The following XPO1 variants were observed in gnomAD, a reference collection of about 807,000 sequenced individuals.
XPO1 encodes the protein exportin-1.
XPO1 carries 5 observed loss-of-function variants against 133.3 expected under a neutral mutation model. The observed-to-expected ratio is 0.04, with a 90% CI of 0.02 to 0.08. The LOEUF is 0.08. Among genes scored for constraint, XPO1 ranks in the 10% least tolerant of loss-of-function variants. The pLI is 1.00. For synonymous variants in XPO1, 419 were observed against 408.2 expected (o/e 1.03, Z -0.32); for missense variants, 506 against 1,267.5 (o/e 0.40, Z 9.12).
intron 24 of XPO1, among the ~76,000 whole-genome samples, 198 bp from the exon 25 acceptor site, chr2:61,479,164 A>C (rs970362133): frequency 2.6e-5 from 4 of 152,134 alleles, no homozygotes; most frequent in African/African-American, 7.2e-5. Flanking sequence ...GGTGGGGGGG[A>C]AGATTACAAA....
intron 4 of XPO1, among the ~76,000 whole-genome samples, chr2:61,511,003 A>G (rs1698069375): frequency 6.6e-6 from 1 of 152,130 alleles, no homozygotes; most frequent in Non-Finnish European, 1.5e-5. Context: ...TTAGGTATCA[A>G]GTATAGGCCT....
chr2:61,498,891 T>C lies in XPO1; in HGVS notation c.613A>G (p.Ile205Val), dbSNP rs1337073788. ...ATTACAAACTGACACAGTTGAAATA[T>C]CTGTGAGAATTCATTGCACATGCTA... ...KDSMCNEFSQ[I>V]FQLCQFVMEN... The change falls in exon 8 of 25, where the codon ATA (isoleucine) becomes GTA (valine). Residue 205 changes from isoleucine (I) to valine (V), a missense_variant. Coordinates refer to ENST00000401558, the MANE Select transcript of XPO1 (RefSeq NM_003400.4). 5 of 1,596,580 alleles carry C rather than the reference T, an allele frequency of 3.1e-6. No individual in the cohort carries two copies. The highest frequency in any genetic ancestry group is 4.3e-6 in the Non-Finnish European group (5 of 1,172,852).
chr2:61,520,907 A>G (rs1422560649), intron 4 of XPO1, among the ~76,000 whole-genome samples: 3 of 152,204 alleles, frequency 2.0e-5, no homozygotes, highest in East Asian at 1.9e-4. Flanking sequence ...TCTGGGGCTC[A>G]TAACACATGA....
chr2:61,529,325 A>C (rs1699051459), intron 2 of XPO1, among the ~76,000 whole-genome samples: 1 of 152,218 alleles, frequency 6.6e-6, no homozygotes, highest in Admixed American at 6.5e-5. Context: ...GATACCTTAT[A>C]ATCTTTAGCT....
At chr2:61,500,306 C>A (rs1389586721) in intron 6 of XPO1, among the ~76,000 whole-genome samples, 9 of 151,920 alleles carry the variant, frequency 5.9e-5, no homozygotes, top group African/African-American at 2.2e-4. Context: ...CCAGGCTGGG[C>A]GTGGTAGCTC....
At chr2:61,518,087 G>A (rs926954435) in intron 4 of XPO1, among the ~76,000 whole-genome samples, 5 of 151,118 alleles carry the variant, frequency 3.3e-5, no homozygotes, top group African/African-American at 9.7e-5. Flanking sequence ...CCAAGACTGC[G>A]CCACTGCACT....
intron 23 of XPO1, 110 bp from the exon 24 acceptor site, chr2:61,481,391 C>G (rs1208879427): frequency 3.5e-6 from 2 of 564,362 alleles, no homozygotes; most frequent in Non-Finnish European, 5.7e-6. Context: ...TCACTGTAAT[C>G]TCTGCCTCCC....
chr2:61,512,734 C>G (rs1396542191), intron 4 of XPO1, among the ~76,000 whole-genome samples: 1 of 152,182 alleles, frequency 6.6e-6, no homozygotes, highest in Non-Finnish European at 1.5e-5. Context: ...CCAACAATAG[C>G]CAAACCTTTT....
chr2:61,495,871 T>C (rs1317234872), intron 10 of XPO1, among the ~76,000 whole-genome samples: 1 of 152,106 alleles, frequency 6.6e-6, no homozygotes, highest in Non-Finnish European at 1.5e-5. Context: ...TATCTTGTTA[T>C]GTTGTCCAGG....
rs1482023055 is a variant in XPO1 at position 61,515,004 on chromosome 2, G to C, written c.301+7607C>G. ...GAATCGCTTGAACCCGAGAGCCAGA[G>C]GTTGCAATGAGCCAAGATCATGACA... On this transcript the variant is annotated intron_variant, in intron 4 of 24. Coordinates refer to ENST00000401558, the MANE Select transcript of XPO1 (RefSeq NM_003400.4). 2.0e-5 allele frequency among the ~76,000 whole-genome samples: 3 copies of C among 150,390 alleles called. No homozygotes were observed. The Admixed American group carries it at 2.0e-4, about 10-fold the overall frequency.
chr2:61,528,401 G>C (rs189982695), intron 2 of XPO1, among the ~76,000 whole-genome samples: 1 of 151,938 alleles, frequency 6.6e-6, no homozygotes, highest in African/African-American at 2.4e-5. Flanking sequence ...ATGGGAGGCC[G>C]AGGTGAGCAG....
chr2:61,481,296 A>G lies in XPO1; in HGVS notation c.2973-15T>C. On this transcript the variant is annotated splice_polypyrimidine_tract_variant and intron_variant, in intron 23 of 24. Coordinates refer to ENST00000401558, the MANE Select transcript of XPO1 (RefSeq NM_003400.4). ...TTACTTGAGCACTGCAAATCAAAAC[A>G]CAATGATTAAATAATGATTTATTTT... The G allele has an allele frequency of 6.3e-7, 1 of 1,581,034 alleles. No homozygotes were observed. Among genetic ancestry groups the G allele is most frequent in the Non-Finnish European group, 8.6e-7 (1 of 1,158,286 alleles).
At chr2:61,527,362 C>T (rs1043766790) in intron 2 of XPO1, among the ~76,000 whole-genome samples, 1 of 150,338 alleles carries the variant, frequency 6.7e-6, no homozygotes, top group African/African-American at 2.4e-5. Flanking sequence ...GTGGCTTGCA[C>T]CTATAGTCCT....
At position 61,495,298 on chromosome 2, in the gene XPO1, A is replaced by G. The variant is rs528911386; in HGVS notation, c.1047+157T>C. Among the ~76,000 whole-genome samples the G allele has an allele frequency of 1.8e-3, 271 of 152,286 alleles. 1 individual carries two copies. The highest frequency in any genetic ancestry group is 3.2e-3 in the Non-Finnish European group (219 of 68,026). ...AACATAAAATCAGAAAACTGGGCTTATAACTGTAATTCAGAATTGAGAATA... is the reference window on the plus strand; with the variant it reads ...AACATAAAATCAGAAAACTGGGCTTGTAACTGTAATTCAGAATTGAGAATA... On this transcript the variant is annotated intron_variant, in intron 11 of 24. Coordinates refer to ENST00000401558, the MANE Select transcript of XPO1 (RefSeq NM_003400.4).
Position 61,522,643 on chromosome 2 carries a change from C to T in XPO1, c.269G>A (p.Arg90Lys), listed in dbSNP as rs2104751282. 1 of 1,613,800 alleles carries T rather than the reference C, an allele frequency of 6.2e-7. No homozygotes were observed. The highest frequency in any genetic ancestry group is 8.5e-7 in the Non-Finnish European group (1 of 1,179,856). The change falls in exon 4 of 25, where the codon AGG (arginine) becomes AAG (lysine). Residue 90 changes from arginine to lysine, a missense_variant. Around this residue, in one of 6 missense-constraint regions of XPO1, gnomAD observed 68 missense variants for 210.5 expected, o/e 0.32. Transcript: ENST00000401558. ...CTGGTTCCTTGGAAGAATCTTCCACCTTGTTTTTATCACATTTTCCAAAAT... is the reference window on the plus strand; with the variant it reads ...CTGGTTCCTTGGAAGAATCTTCCACTTTGTTTTTATCACATTTTCCAAAAT... ...LQILENVIKT[R>K]WKILPRNQCE... is the part of the protein sequence containing the mutation.
intron 4 of XPO1, among the ~76,000 whole-genome samples, chr2:61,518,414 CAAAACACACACACA>C (rs1698511606): frequency 3.5e-5 from 3 of 85,580 alleles, no homozygotes; most frequent in Non-Finnish European, 7.1e-5. Flanking sequence ...AAACAAAAAA[CAAAACACACACACA>C]CACACACACA....
chr2:61,480,164 T>G (rs1278999284), intron 24 of XPO1: 1 of 150,646 alleles, frequency 6.6e-6, no homozygotes, highest in Non-Finnish European at 1.5e-5. Context: ...TGTGCCCAGC[T>G]AAAAATTCTT....
chr2:61,501,447 T>G (rs1276830158), intron 6 of XPO1, among the ~76,000 whole-genome samples: 1 of 151,560 alleles, frequency 6.6e-6, no homozygotes, highest in Non-Finnish European at 1.5e-5. Context: ...TCCGGCCAGG[T>G]GCAGCGGCTC....
At chr2:61,516,422 G>A (rs934606458) in intron 4 of XPO1, among the ~76,000 whole-genome samples, 1 of 150,868 alleles carries the variant, frequency 6.6e-6, no homozygotes, top group South Asian at 2.1e-4. Context: ...CCAAGTGTGG[G>A]TTTTTTTTTG....
Sources: gnomAD v4.1 joint callset for allele counts (sites outside exome capture counted in the v4.1 genomes callset) on GRCh38, gnomAD v4.1.1 for gene constraint, gnomAD v4.1.1 regional missense constraint, MANE v1.5 for transcripts, NCBI Gene and HGNC (gene_info 2026-07-23, HGNC 2026-07-21) for gene names.